Variants in HTR2C observed in about 807,000 individuals in gnomAD.
The protein encoded by HTR2C is 5-hydroxytryptamine (serotonin) receptor 2C, G protein-coupled.
In HTR2C, 5 loss-of-function variants were observed where a neutral mutation model predicts 21.0. The ratio of observed to expected loss-of-function variants is 0.24; its 90% CI spans 0.12 to 0.50. The LOEUF (loss-of-function observed/expected upper bound fraction) is 0.50. Among genes scored for constraint, HTR2C ranks in the 20% least tolerant of loss-of-function variants. The pLI is 0.98. For synonymous variants in HTR2C, 150 were observed against 145.3 expected (o/e 1.03, Z -0.23); for missense variants, 271 against 371.2 (o/e 0.73, Z 2.22).
At chrX:114,857,601 T>G (rs782770680) in intron 5 of HTR2C, among the ~76,000 whole-genome samples, 1 of 111,592 alleles carries the variant, frequency 9.0e-6, no homozygotes, top group South Asian at 3.7e-4. Flanking sequence ...AATTCTAGTG[T>G]TTTTTTGTAT....
intron 4 of HTR2C, among the ~76,000 whole-genome samples, chrX:114,806,664 A>C (rs1439745826): frequency 1.0e-5 from 1 of 98,833 alleles, no homozygotes; most frequent in African/African-American, 3.6e-5. Context: ...TATATACACT[A>C]TATATACTAT....
chrX:114,805,916 T>TATATATATACACCATATATATACC, intron 4 of HTR2C, among the ~76,000 whole-genome samples: 2 of 74,358 alleles, frequency 2.7e-5, no homozygotes, highest in African/African-American at 9.4e-5. Flanking sequence ...ATATATACCA[T>TATATATATACACCATATATATACC]ATATATATAC....
intron 4 of HTR2C, among the ~76,000 whole-genome samples, chrX:114,812,182 C>G (rs1164989761): frequency 1.6e-4 from 17 of 108,274 alleles, no homozygotes; most frequent in African/African-American, 5.4e-4. Context: ...CATTTTTAAT[C>G]TTGCTACCTT....
At chrX:114,757,814 C>T (rs781819144) in intron 4 of HTR2C, among the ~76,000 whole-genome samples, 12 of 111,981 alleles carry the variant, frequency 1.1e-4, no homozygotes, top group East Asian at 5.6e-4. Context: ...AATACCTAGC[C>T]TAAATATTTC....
chrX:114,634,173 G>A (rs1327770743), intron 2 of HTR2C, among the ~76,000 whole-genome samples: 1 of 109,207 alleles, frequency 9.2e-6, no homozygotes, highest in Admixed American at 9.9e-5. Flanking sequence ...TACAAATGTG[G>A]GCCTTTTTAT....
chrX:114,880,397 C>G (rs1556479662), intron 5 of HTR2C, among the ~76,000 whole-genome samples: 1 of 110,193 alleles, frequency 9.1e-6, no homozygotes, highest in African/African-American at 3.3e-5. Context: ...TTTCCTTTTT[C>G]TTTATTTTTC....
At chrX:114,720,600 T>C (rs1173462605) in intron 2 of HTR2C, among the ~76,000 whole-genome samples, 1 of 95,428 alleles carries the variant, frequency 1.0e-5, no homozygotes, top group Non-Finnish European at 2.1e-5. Context: ...TGTGCCATGC[T>C]GGTGTGCTGC....
At chrX:114,710,916 G>A (rs1197796662) in intron 2 of HTR2C, among the ~76,000 whole-genome samples, 2 of 111,599 alleles carry the variant, frequency 1.8e-5, no homozygotes, top group Non-Finnish European at 3.8e-5. Context: ...ATATTGGCAT[G>A]AGCTGGATAC....
At chrX:114,793,319 TA>T (rs1158657021) in intron 4 of HTR2C, among the ~76,000 whole-genome samples, 1 of 111,084 alleles carries the variant, frequency 9.0e-6, no homozygotes, top group Non-Finnish European at 1.9e-5. Context: ...GCACCATCTT[TA>T]AAAAAAATTA....
intron 4 of HTR2C, among the ~76,000 whole-genome samples, chrX:114,790,693 T>C (rs1376622843): frequency 2.7e-5 from 3 of 112,033 alleles, no homozygotes; most frequent in African/African-American, 6.5e-5. Context: ...ATACCCCTTT[T>C]CTTTCTCTCA....
chrX:114,839,241 T>C (rs2070813203), intron 4 of HTR2C, among the ~76,000 whole-genome samples: 1 of 112,129 alleles, frequency 8.9e-6, no homozygotes, highest in African/African-American at 3.2e-5. Context: ...CCTTAAGGTA[T>C]TGGACAGGAA....
chrX:114,790,180 A>G (rs2070217718), intron 4 of HTR2C, among the ~76,000 whole-genome samples: 1 of 111,746 alleles, frequency 8.9e-6, no homozygotes, highest in Non-Finnish European at 1.9e-5. Flanking sequence ...TGTATGGTAC[A>G]TGGAGTTAGA....
intron 2 of HTR2C, among the ~76,000 whole-genome samples, chrX:114,631,801 C>A (rs1331813365): frequency 2.7e-5 from 3 of 110,854 alleles, no homozygotes; most frequent in Non-Finnish European, 5.7e-5. Flanking sequence ...TCATTCCTGG[C>A]CCCCTTTTTG....
chrX:114,774,012 A>G (rs2070030997), intron 4 of HTR2C, among the ~76,000 whole-genome samples: 1 of 112,023 alleles, frequency 8.9e-6, no homozygotes, highest in Admixed American at 9.5e-5. Flanking sequence ...AAATTATTAT[A>G]ACCCGTGGGT....
rs185800133 is a variant in HTR2C, at chrX:114,787,556, A to G, written c.349+55949A>G. Among the ~76,000 whole-genome samples the G allele has an allele frequency of 4.5e-5, 5 of 112,190 alleles. No individual in the cohort carries two copies. The Admixed American group carries it at 4.7e-4, about 11-fold the overall frequency. ...TTAAATAGCTTAGAAAAGGAAAAAT[A>G]TAAAACGGCCATTCAGTTTTGCCCT... On this transcript the variant is annotated intron_variant, in intron 4 of 5. Transcript: ENST00000276198.
chrX:114,856,337 G>A (rs1195395080), intron 5 of HTR2C, among the ~76,000 whole-genome samples: 1 of 98,654 alleles, frequency 1.0e-5, no homozygotes, highest in Non-Finnish European at 2.1e-5. Context: ...CAAACAAATG[G>A]AAGAACATTC....
intron 5 of HTR2C, among the ~76,000 whole-genome samples, chrX:114,884,909 A>G (rs1471600420): frequency 9.0e-6 from 1 of 111,381 alleles, no homozygotes; most frequent in African/African-American, 3.3e-5. Context: ...CATGCTTCAT[A>G]TTCTTTATCC....
chrX:114,669,454 G>C (rs782211321), intron 2 of HTR2C, among the ~76,000 whole-genome samples: 1 of 111,906 alleles, frequency 8.9e-6, no homozygotes, highest in African/African-American at 3.2e-5. Context: ...ACTTAGAATT[G>C]TGATGATCAT....
intron 4 of HTR2C, among the ~76,000 whole-genome samples, chrX:114,754,448 G>A (rs1556429162): frequency 9.0e-6 from 1 of 111,664 alleles, no homozygotes; most frequent in African/African-American, 3.3e-5. Context: ...CAGAGGAAGG[G>A]ACACATAGAT....
Sources: allele counts gnomAD v4.1 joint callset (sites outside exome capture counted in the v4.1 genomes callset), GRCh38; gene constraint gnomAD v4.1.1; transcripts MANE v1.5; gene names NCBI Gene and HGNC (gene_info 2026-07-23, HGNC 2026-07-21).